Variants in TRHDE observed in about 807,000 individuals in gnomAD.
TRHDE encodes the protein thyrotropin releasing hormone degrading enzyme.
In TRHDE, 72 loss-of-function variants were observed where a neutral mutation model predicts 125.7. That is an observed-to-expected ratio of 0.57 (90% CI 0.47 to 0.70). The LOEUF (loss-of-function observed/expected upper bound fraction) is 0.70. Ranked by LOEUF, TRHDE falls within the 30% of genes least tolerant of loss-of-function variation. TRHDE has a pLI of 0.00. For synonymous variants in TRHDE, 509 were observed against 509.1 expected (o/e 1.00, Z 0.00); for missense variants, 1,110 against 1,327.1 (o/e 0.84, Z 2.54).
intron 1 of TRHDE, among the ~76,000 whole-genome samples, chr12:72,279,354 A>G (rs79408253): frequency 7.5e-4 from 2 of 2,656 alleles, no homozygotes; most frequent in African/African-American, 3.9e-3. Context: ...TTCACCCCCA[A>G]TGCTCATCCT....
chr12:72,506,022 G>GTTTCTTCAACAAT (rs1565769798), intron 6 of TRHDE, among the ~76,000 whole-genome samples: 1 of 152,138 alleles, frequency 6.6e-6, no homozygotes, highest in Non-Finnish European at 1.5e-5. Context: ...AACCCAGCCG[G>GTTTCTTCAACAAT]GCATGATGGC....
chr12:72,663,189 A>G lies in TRHDE; in HGVS notation c.3204A>G (p.Arg1068=). ...ELFQWLGKAL[R]H is the part of the protein sequence containing the mutation. ...TCCAATGGTTAGGAAAAGCTCTAAG[A>G]CACTAATATATGTATCTTATAAACA... Residue 1068 remains arginine, a synonymous_variant, in exon 19 of 19, where the codon AGA becomes AGG. Transcript: ENST00000261180. 6.2e-7 allele frequency: 1 copy of G among 1,609,082 alleles called. No individual in the cohort carries two copies. The highest frequency in any genetic ancestry group is 1.7e-4 in the Middle Eastern group (1 of 6,002).
intron 2 of TRHDE, among the ~76,000 whole-genome samples, chr12:72,353,264 C>G (rs1283527692): frequency 6.6e-6 from 1 of 151,616 alleles, no homozygotes; most frequent in African/African-American, 2.4e-5. Flanking sequence ...AGTGTTTAAT[C>G]TGTGATCACT....
chr12:72,413,611 C>G (rs79268988), intron 3 of TRHDE, among the ~76,000 whole-genome samples: 2 of 151,736 alleles, frequency 1.3e-5, no homozygotes, highest in African/African-American at 4.8e-5. Flanking sequence ...TAATGTCAAT[C>G]GAGCCTATTT....
At position 72,554,396 on chromosome 12, in the gene TRHDE, G is replaced by T. The variant is rs554748213; in HGVS notation, c.1789-7769G>T. 2.0e-5 allele frequency among the ~76,000 whole-genome samples: 3 copies of T among 152,240 alleles called. No individual in the cohort carries two copies. In the South Asian group the frequency reaches 6.2e-4, roughly 32 times the overall value. On this transcript the variant is annotated intron_variant, in intron 7 of 18. Transcript: ENST00000261180. ...ACATTTTTCAGTTGAAGAAATTAAG[G>T]TTTAGAGAAAATAGATACTTTATCC...
chr12:72,418,791 A>C (rs2135823852), intron 3 of TRHDE, among the ~76,000 whole-genome samples: 1 of 152,280 alleles, frequency 6.6e-6, no homozygotes, highest in East Asian at 1.9e-4. Context: ...TTATTGTTTC[A>C]AATCATGTGC....
In TRHDE at chr12:72,272,881, G is replaced by C; in HGVS notation, c.238G>C (p.Ala80Pro). ...VRPRTTERHI[A>P]VHKRLVLAFA... ...ACCCCGCACCACGGAGCGCCACATC[G>C]CCGTACACAAGCGGCTTGTGCTGGC... Residue 80 changes from alanine to proline, a missense_variant, in exon 1 of 19, where the codon GCC becomes CCC. Transcript: ENST00000261180. The surrounding 1 kb of genome is among the most constrained non-coding windows in gnomAD (Gnocchi z 6.7). The C allele has an allele frequency of 6.3e-7, 1 of 1,580,362 alleles. No individual in the cohort carries two copies. The highest frequency in any genetic ancestry group is 8.5e-7 in the Non-Finnish European group (1 of 1,171,186).
chr12:72,540,620 A>G (rs1364495940), intron 6 of TRHDE, among the ~76,000 whole-genome samples: 1 of 151,654 alleles, frequency 6.6e-6, no homozygotes, highest in Non-Finnish European at 1.5e-5. Flanking sequence ...AAAAATGGAC[A>G]GTTTCCACCC....
Position 72,630,292 on chromosome 12 carries a change from C to G in TRHDE, c.2675+8541C>G, listed in dbSNP as rs533959716. 2.4e-4 allele frequency among the ~76,000 whole-genome samples: 37 copies of G among 151,702 alleles called. No homozygotes were observed. In the East Asian group the frequency reaches 7.2e-3, roughly 30 times the overall value. ...CCTAGATTTAGCGAAATCTCTAAAT[C>G]TGGTGATGAGTGTCCCTATAGGGGA... On this transcript the variant is annotated intron_variant, in intron 15 of 18. Coordinates refer to ENST00000261180, the MANE Select transcript of TRHDE (RefSeq NM_013381.3).
At chr12:72,489,166 C>A (rs1877544020) in intron 5 of TRHDE, among the ~76,000 whole-genome samples, 1 of 146,680 alleles carries the variant, frequency 6.8e-6, no homozygotes. Context: ...AGAAATAAAT[C>A]AAATACAGAA....
intron 2 of TRHDE, among the ~76,000 whole-genome samples, chr12:72,374,292 A>AGTGTGTGTGTGT (rs148577049): frequency 1.8e-4 from 24 of 134,100 alleles, no homozygotes; most frequent in East Asian, 6.6e-4. Flanking sequence ...TAGAAGGAGA[A>AGTGTGTGTGTGT]GTGTGTGTGT....
intron 2 of TRHDE, among the ~76,000 whole-genome samples, chr12:72,316,136 A>G (rs1193325689): frequency 6.6e-6 from 1 of 152,140 alleles, no homozygotes; most frequent in Non-Finnish European, 1.5e-5. Context: ...TGAATGCACA[A>G]ATCCAAGGAA....
chr12:72,261,155 G>A (rs1878942324), intron 2 of TRHDE, among the ~76,000 whole-genome samples: 1 of 152,154 alleles, frequency 6.6e-6, no homozygotes, highest in African/African-American at 2.4e-5. Flanking sequence ...TAAGTATGAA[G>A]GAAGTAGATA....
chr12:72,102,052 G>A (rs543921640), intron 1 of TRHDE, among the ~76,000 whole-genome samples: 2 of 152,228 alleles, frequency 1.3e-5, no homozygotes, highest in East Asian at 1.9e-4. Context: ...AGGGCCTCTC[G>A]ATGGAACACA....
intron 13 of TRHDE, among the ~76,000 whole-genome samples, chr12:72,619,257 A>G (rs1025593397): frequency 3.9e-5 from 6 of 152,166 alleles, no homozygotes; most frequent in Non-Finnish European, 7.4e-5. Context: ...TTAAGCTTAA[A>G]TGCTTCAGAA....
intron 6 of TRHDE, among the ~76,000 whole-genome samples, chr12:72,515,624 G>A (rs1878813453): frequency 6.6e-6 from 1 of 152,048 alleles, no homozygotes; most frequent in African/African-American, 2.4e-5. Flanking sequence ...TTCTTTTGCT[G>A]TGCAGAAGCT....
At chr12:72,521,446 G>A (rs1384816037) in intron 6 of TRHDE, among the ~76,000 whole-genome samples, 2 of 151,996 alleles carry the variant, frequency 1.3e-5, no homozygotes, top group South Asian at 4.2e-4. Context: ...GTGTAGAGGG[G>A]AGAGTGTGAG....
chr12:72,162,645 AACTAG>A (rs1327635241), intron 2 of TRHDE, among the ~76,000 whole-genome samples: 1 of 152,190 alleles, frequency 6.6e-6, no homozygotes. Context: ...TTTCTGCTTA[AACTAG>A]TTAAAGTGGA....
rs910070637 is a variant in TRHDE, at chr12:72,410,318, T to G, written c.1315+32197T>G. ...GGCTTTATTATTGAACTCTGTCATATTCTACCAAACAGTAAAATAATTTTT... is the reference window on the plus strand; with the variant it reads ...GGCTTTATTATTGAACTCTGTCATAGTCTACCAAACAGTAAAATAATTTTT... On this transcript the variant is annotated intron_variant, in intron 3 of 18. Transcript: ENST00000261180. 4.6e-5 allele frequency among the ~76,000 whole-genome samples: 7 copies of G among 152,126 alleles called. No individual in the cohort carries two copies. In the East Asian group the frequency reaches 1.3e-3, roughly 29 times the overall value.
Sources: allele counts gnomAD v4.1 joint callset (sites outside exome capture counted in the v4.1 genomes callset), GRCh38; gene constraint gnomAD v4.1.1; non-coding constraint Gnocchi (gnomAD v3.1); transcripts MANE v1.5; gene names NCBI Gene and HGNC (gene_info 2026-07-23, HGNC 2026-07-21).